The following BICRAL variants were observed in gnomAD, a reference collection of about 807,000 sequenced individuals.
BICRAL encodes the protein BRD4-interacting chromatin-remodeling complex-associated protein-like.
BICRAL carries 8 observed loss-of-function variants against 91.8 expected under a neutral mutation model. That is an observed-to-expected ratio of 0.09 (90% CI 0.05 to 0.16). BICRAL has a LOEUF of 0.16. BICRAL is among the 10% of genes least tolerant of loss of function. BICRAL has a pLI of 1.00. For missense variants in BICRAL, 1,038 were observed against 1,310.9 expected (o/e 0.79, Z 3.21); for synonymous variants, 445 against 491.1 (o/e 0.91, Z 1.24).
At chr6:42,864,614 C>CCT in intron 12 of BICRAL, 45 bp from the exon 13 acceptor site, 1 of 1,522,128 alleles carries the variant, frequency 6.6e-7, no homozygotes, top group East Asian at 2.2e-5. Context: ...TATAGTCTGT[C>CCT]CTCTCCCAAT....
intron 1 of BICRAL, among the ~76,000 whole-genome samples, chr6:42,790,142 GAAAT>G (rs1297454251): frequency 6.6e-6 from 1 of 151,968 alleles, no homozygotes; most frequent in Non-Finnish European, 1.5e-5. Context: ...GGGAAGGAGA[GAAAT>G]AAGCATTGAG....
At chr6:42,777,505 T>TA, upstream of BICRAL, among the ~76,000 whole-genome samples, 1 of 152,170 alleles carries the variant, frequency 6.6e-6, no homozygotes, top group Non-Finnish European at 1.5e-5. Flanking sequence ...ACCGATAATT[T>TA]AAAAAAATTT....
At chr6:42,833,629 G>T (rs1362248239) in intron 6 of BICRAL, among the ~76,000 whole-genome samples, 2 of 151,414 alleles carry the variant, frequency 1.3e-5, no homozygotes, top group African/African-American at 4.9e-5. Flanking sequence ...TGTATTTTTA[G>T]TACAGACAGG....
intron 1 of BICRAL, among the ~76,000 whole-genome samples, chr6:42,794,782 C>G (rs1460411882): frequency 7.6e-6 from 1 of 131,714 alleles, no homozygotes; most frequent in Non-Finnish European, 1.6e-5. Context: ...AACCCCCTCT[C>G]TACTAAAAAT....
intron 1 of BICRAL, among the ~76,000 whole-genome samples, chr6:42,807,667 G>A (rs529558014): frequency 9.9e-5 from 15 of 151,696 alleles, no homozygotes; most frequent in Admixed American, 5.9e-4. Flanking sequence ...TTAGCTGGGC[G>A]TGGTGGCGCG....
At chr6:42,746,760 C>T (rs1189761600), upstream of BICRAL, among the ~76,000 whole-genome samples, 1 of 152,108 alleles carries the variant, frequency 6.6e-6, no homozygotes, top group Non-Finnish European at 1.5e-5. Flanking sequence ...CCTGGGGGCT[C>T]CTGGATCCCC....
chr6:42,772,582 C>T (rs1375702650), intron 1 of BICRAL, among the ~76,000 whole-genome samples: 2 of 152,186 alleles, frequency 1.3e-5, no homozygotes, highest in Non-Finnish European at 2.9e-5. Flanking sequence ...ACATATACCA[C>T]TTCTCAGCTT....
intron 1 of BICRAL, among the ~76,000 whole-genome samples, chr6:42,761,894 A>G (rs1045598866): frequency 3.3e-5 from 5 of 151,544 alleles, no homozygotes; most frequent in Non-Finnish European, 5.9e-5. Flanking sequence ...ATCCTGGGTG[A>G]CCTTGTCTCA....
At chr6:42,750,877 CTTTTTTTTTTT>C (rs397886906) in intron 1 of BICRAL, among the ~76,000 whole-genome samples, 1 of 90,722 alleles carries the variant, frequency 1.1e-5, no homozygotes, top group Non-Finnish European at 2.1e-5. Context: ...CGCGCCCGGC[CTTTTTTTTTTT>C]TTTTTTTTTT....
intron 1 of BICRAL, among the ~76,000 whole-genome samples, chr6:42,749,818 A>G (rs1410290434): frequency 6.6e-6 from 1 of 150,992 alleles, no homozygotes; most frequent in African/African-American, 2.4e-5. Context: ...TTTATTGTCT[A>G]TAAATATTTC....
rs1562504641 is a variant in BICRAL at position 42,868,257 on chromosome 6, T to C, written c.*2811T>C. On this transcript the variant is annotated 3_prime_UTR_variant, in exon 13 of 13. Coordinates refer to ENST00000314073, the MANE Select transcript of BICRAL (RefSeq NM_001393499.1). ...TTAGGGAGGCCTTACAGACTGACTTTACTTAAAGAGGACGCGTCACTCGCT... is the reference window on the plus strand; with the variant it reads ...TTAGGGAGGCCTTACAGACTGACTTCACTTAAAGAGGACGCGTCACTCGCT... The C allele has an allele frequency of 6.6e-6, 1 of 152,572 alleles. No individual in the cohort carries two copies. The highest frequency in any genetic ancestry group is 6.6e-5 in the Admixed American group (1 of 15,260). The allele number at this position is 152,572 out of a possible 1,614,324, so 9.5% of individuals were successfully genotyped here. A position where few individuals can be genotyped will look rare whatever the true frequency, so the allele number is the denominator to read the frequency against.
At chr6:42,769,172 G>T (rs1762683389) in intron 1 of BICRAL, among the ~76,000 whole-genome samples, 1 of 152,176 alleles carries the variant, frequency 6.6e-6, no homozygotes, top group Non-Finnish European at 1.5e-5. Flanking sequence ...AGTTAAGCTG[G>T]CCCCTGGGGC....
chr6:42,864,627 C>G, intron 12 of BICRAL, 32 bp from the exon 13 acceptor site: 2 of 1,578,072 alleles, frequency 1.3e-6, no homozygotes, highest in Non-Finnish European at 1.7e-6. Context: ...CTCCCAATCA[C>G]TCACTAATGT....
chr6:42,820,593 GT>G (rs754407189), intron 2 of BICRAL, among the ~76,000 whole-genome samples: 4 of 152,172 alleles, frequency 2.6e-5, no homozygotes, highest in African/African-American at 7.2e-5. Flanking sequence ...CCACAGTCAT[GT>G]TACACTAGTA....
rs1406892577 is a variant in BICRAL at position 42,822,236 on chromosome 6, ATTCT to A, written c.41+176_41+179del. Among the ~76,000 whole-genome samples, 20 of 151,746 alleles carry A rather than the reference ATTCT, an allele frequency of 1.3e-4. 1 individual carries two copies. The South Asian group carries it at 4.0e-3, about 30-fold the overall frequency. On this transcript the variant is annotated intron_variant, in intron 3 of 12. Coordinates refer to ENST00000314073, the MANE Select transcript of BICRAL (RefSeq NM_001393499.1). The stretch of plus-strand genomic sequence containing the variant: ...TTAACATAGGGGTTGTAATTCAGTA[ATTCT>A]TTTTTTTTTTTTCCTTTTGAGACAG...
At chr6:42,814,519 ATTT>A (rs70990145) in intron 2 of BICRAL, among the ~76,000 whole-genome samples, 1,215 of 80,024 alleles carry the variant, frequency 0.015, 10 homozygotes, top group Middle Eastern at 0.038. Context: ...ATATATATAT[ATTT>A]TTTTTTTTTT....
chr6:42,766,851 T>C (rs867559954), intron 1 of BICRAL, among the ~76,000 whole-genome samples: 14 of 152,054 alleles, frequency 9.2e-5, no homozygotes, highest in Admixed American at 3.3e-4. Flanking sequence ...CCATCCTGGC[T>C]AACACAGTGA....
At chr6:42,823,694 C>G (rs1378860590) in intron 5 of BICRAL, among the ~76,000 whole-genome samples, 2 of 152,002 alleles carry the variant, frequency 1.3e-5, no homozygotes, top group African/African-American at 2.4e-5. Flanking sequence ...GAGGCCGAGG[C>G]AGGTGGATCA....
intron 6 of BICRAL, among the ~76,000 whole-genome samples, chr6:42,843,584 G>A (rs1764877011): frequency 6.6e-6 from 1 of 152,120 alleles, no homozygotes. Flanking sequence ...GAAGGATAAG[G>A]ATGACTTACA....
Sources: gnomAD v4.1 joint callset for allele counts (sites outside exome capture counted in the v4.1 genomes callset) on GRCh38, gnomAD v4.1.1 for gene constraint, MANE v1.5 for transcripts, NCBI Gene and HGNC (gene_info 2026-07-23, HGNC 2026-07-21) for gene names.